MCTP1: variants seen among roughly 807,000 people sequenced by gnomAD.
The protein encoded by MCTP1 is multiple C2 and transmembrane domain-containing protein 1.
A neutral mutation model predicts 120.6 loss-of-function variants in MCTP1; 69 were observed. That is an observed-to-expected ratio of 0.57 (90% CI 0.47 to 0.70). MCTP1 has a LOEUF of 0.70. MCTP1 is among the 30% of genes least tolerant of loss of function. The pLI is 0.00. For synonymous variants in MCTP1, 529 were observed against 493.1 expected (o/e 1.07, Z -0.96); for missense variants, 1,203 against 1,248.8 (o/e 0.96, Z 0.55).
intron 1 of MCTP1, among the ~76,000 whole-genome samples, chr5:95,216,416 T>A (rs1753038752): frequency 6.6e-6 from 1 of 152,200 alleles, no homozygotes; most frequent in South Asian, 2.1e-4. Context: ...GAAACTACTC[T>A]ATCCTGTAGG....
chr5:95,172,519 A>G (rs1243455194), intron 1 of MCTP1, among the ~76,000 whole-genome samples: 1 of 152,206 alleles, frequency 6.6e-6, no homozygotes, highest in Non-Finnish European at 1.5e-5. Flanking sequence ...CTTAACCATT[A>G]GAGTGCTAAA....
intron 1 of MCTP1, among the ~76,000 whole-genome samples, chr5:95,185,626 T>C (rs1219736703): frequency 1.4e-5 from 2 of 146,230 alleles, no homozygotes; most frequent in African/African-American, 2.6e-5. Context: ...CTACTAAAAA[T>C]AGAAAATTAG....
intron 1 of MCTP1, among the ~76,000 whole-genome samples, chr5:95,210,256 C>T (rs1451053989): frequency 6.6e-6 from 1 of 152,092 alleles, no homozygotes; most frequent in African/African-American, 2.4e-5. Flanking sequence ...GTTCATCTGT[C>T]TAATGTTGAC....
At chr5:95,253,333 G>A (rs1457418631) in intron 1 of MCTP1, among the ~76,000 whole-genome samples, 1 of 152,008 alleles carries the variant, frequency 6.6e-6, no homozygotes, top group African/African-American at 2.4e-5. Flanking sequence ...ACACTGCCAG[G>A]GGGTGGGACA....
chr5:95,084,300 A>T (rs1406693298), intron 1 of MCTP1, among the ~76,000 whole-genome samples: 1 of 152,184 alleles, frequency 6.6e-6, no homozygotes, highest in Admixed American at 6.6e-5. Context: ...CTCTAAGTGG[A>T]CTACTCTCCT....
At position 94,920,742 on chromosome 5, in the gene MCTP1, AAAATAAATAAATAAAT is replaced by A. The variant is rs113227976; in HGVS notation, c.1273-2785_1273-2770del. On this transcript the variant is annotated intron_variant, in intron 7 of 22. Coordinates refer to ENST00000515393, the MANE Select transcript of MCTP1 (RefSeq NM_024717.7). ...GGGCGACAGAGGGAGATTCCGTCTCAAAATAAATAAATAAATAAATAAATAAATAAATAAATAAATA... is the reference window on the plus strand; with the variant it reads ...GGGCGACAGAGGGAGATTCCGTCTCAAAATAAATAAATAAATAAATAAATA... 9.1e-4 allele frequency among the ~76,000 whole-genome samples: 129 copies of A among 142,110 alleles called. 1 individual carries two copies. The highest frequency in any genetic ancestry group is 1.9e-3 in the African/African-American group (73 of 38,108). 93.2% of individuals were successfully genotyped at this position (142,110 alleles called of 152,430 possible).
chr5:94,823,774 G>C (rs1434426377), intron 17 of MCTP1, among the ~76,000 whole-genome samples: 2 of 152,162 alleles, frequency 1.3e-5, no homozygotes, highest in Non-Finnish European at 2.9e-5. Context: ...CTTGTAAGCT[G>C]TATTCCTAGG....
intron 17 of MCTP1, among the ~76,000 whole-genome samples, chr5:94,805,661 G>C (rs1369529866): frequency 5.9e-5 from 9 of 151,664 alleles, no homozygotes; most frequent in African/African-American, 2.2e-4. Context: ...CTCCTAACAA[G>C]TATCTTATAT....
chr5:95,021,135 A>G (rs919451188), intron 1 of MCTP1, among the ~76,000 whole-genome samples: 1 of 152,090 alleles, frequency 6.6e-6, no homozygotes, highest in Non-Finnish European at 1.5e-5. Flanking sequence ...GAGAAATTAC[A>G]TAACTGATTT....
intron 17 of MCTP1, among the ~76,000 whole-genome samples, chr5:94,817,415 C>CAAAT (rs1041113896): frequency 7.0e-6 from 1 of 142,726 alleles, no homozygotes; most frequent in African/African-American, 3.0e-5. Context: ...TCAAAACAAA[C>CAAAT]AAACAAACAA....
intron 1 of MCTP1, among the ~76,000 whole-genome samples, chr5:95,072,327 G>A (rs1162824273): frequency 6.6e-6 from 1 of 152,104 alleles, no homozygotes; most frequent in South Asian, 2.1e-4. Flanking sequence ...AATTACATAA[G>A]GCTGGGGGAA....
intron 1 of MCTP1, among the ~76,000 whole-genome samples, chr5:95,183,257 CT>C (rs1275541368): frequency 6.6e-6 from 1 of 151,770 alleles, no homozygotes; most frequent in Non-Finnish European, 1.5e-5. Context: ...AATAATAAAC[CT>C]CAACCTCACA....
intron 2 of MCTP1, 21 bp downstream of exon 2, chr5:95,017,346 A>C (rs1366982416): frequency 6.8e-7 from 1 of 1,468,210 alleles, no homozygotes; most frequent in Non-Finnish European, 9.4e-7. Context: ...CTTCTAGGTG[A>C]TATTGCTCTT....
At chr5:95,140,826 G>A (rs938424427) in intron 1 of MCTP1, among the ~76,000 whole-genome samples, 1 of 131,378 alleles carries the variant, frequency 7.6e-6, no homozygotes, top group Non-Finnish European at 1.5e-5. Flanking sequence ...CTTGCAGTGA[G>A]CAGAGATTGC....
chr5:95,106,468 C>T (rs1165800774), intron 1 of MCTP1, among the ~76,000 whole-genome samples: 1 of 152,116 alleles, frequency 6.6e-6, no homozygotes, highest in Non-Finnish European at 1.5e-5. Context: ...CTGGGGAGAC[C>T]CTTGGATCCT....
chr5:94,725,564 A>T (rs771682232), intron 19 of MCTP1, among the ~76,000 whole-genome samples: 2 of 152,218 alleles, frequency 1.3e-5, no homozygotes, highest in African/African-American at 2.4e-5. Flanking sequence ...CTTCATTTTC[A>T]AATATGTGTT....
chr5:94,717,013 G>A (rs1012759537), intron 19 of MCTP1, among the ~76,000 whole-genome samples: 5 of 152,112 alleles, frequency 3.3e-5, no homozygotes, highest in Non-Finnish European at 5.9e-5. Flanking sequence ...AGGAAGTGTT[G>A]TTATTGGGTA....
intron 1 of MCTP1, among the ~76,000 whole-genome samples, chr5:95,210,286 C>T (rs1244778308): frequency 6.6e-6 from 1 of 151,832 alleles, no homozygotes; most frequent in East Asian, 1.9e-4. Flanking sequence ...TTAAGGTCTC[C>T]CATTATTATT....
intron 2 of MCTP1, among the ~76,000 whole-genome samples, chr5:95,006,960 G>C (rs1281458024): frequency 6.6e-6 from 1 of 152,092 alleles, no homozygotes; most frequent in Non-Finnish European, 1.5e-5. Flanking sequence ...GTATTAGTCT[G>C]TTCTCATGCT....
Sources: allele counts gnomAD v4.1 joint callset (sites outside exome capture counted in the v4.1 genomes callset), GRCh38; gene constraint gnomAD v4.1.1; transcripts MANE v1.5; gene names NCBI Gene and HGNC (gene_info 2026-07-23, HGNC 2026-07-21).